The following BTBD9 variants were observed in gnomAD, a reference collection of about 807,000 sequenced individuals.
BTBD9 encodes BTB/POZ domain-containing protein 9.
In BTBD9, 49 loss-of-function variants were observed where a neutral mutation model predicts 64.3. That is an observed-to-expected ratio of 0.76 (90% CI 0.61 to 0.97). The LOEUF (loss-of-function observed/expected upper bound fraction) is 0.97. BTBD9 is among the 50% of genes least tolerant of loss of function. The pLI is 0.00. For synonymous variants in BTBD9, 260 were observed against 274.7 expected (o/e 0.95, Z 0.53); for missense variants, 598 against 762.1 (o/e 0.78, Z 2.53).
At chr6:38,449,589 A>C (rs1203081349) in intron 6 of BTBD9, among the ~76,000 whole-genome samples, 1 of 151,994 alleles carries the variant, frequency 6.6e-6, no homozygotes, top group Non-Finnish European at 1.5e-5. Context: ...ATGAAATTAG[A>C]CCCTTATTTC....
At chr6:38,416,437 C>T (rs1767669573) in intron 6 of BTBD9, among the ~76,000 whole-genome samples, 1 of 151,248 alleles carries the variant, frequency 6.6e-6, no homozygotes. Flanking sequence ...CGGGTTCACG[C>T]CATTCTCCTG....
At chr6:38,575,552 A>T (rs1369887509) in intron 6 of BTBD9, among the ~76,000 whole-genome samples, 5 of 152,236 alleles carry the variant, frequency 3.3e-5, no homozygotes, top group South Asian at 2.1e-4. Flanking sequence ...TTAGGTAGAC[A>T]ATGAATAATT....
intron 9 of BTBD9, among the ~76,000 whole-genome samples, chr6:38,192,927 G>A (rs1409361538): frequency 2.4e-5 from 3 of 123,518 alleles, no homozygotes; most frequent in Non-Finnish European, 5.0e-5. Context: ...AGGGGGGAGG[G>A]ATGGCACTGG....
chr6:38,456,145 G>A (rs1310514397), intron 6 of BTBD9, among the ~76,000 whole-genome samples: 2 of 151,198 alleles, frequency 1.3e-5, no homozygotes, highest in Non-Finnish European at 2.9e-5. Flanking sequence ...GTGCCACCAC[G>A]CCCTGCTAAT....
intron 8 of BTBD9, among the ~76,000 whole-genome samples, chr6:38,262,335 G>A (rs1018255194): frequency 2.0e-5 from 3 of 152,180 alleles, no homozygotes; most frequent in African/African-American, 7.2e-5. Context: ...AGATCAGGTC[G>A]GTGTTTAGCT....
chr6:38,558,951 T>C (rs1037543583), intron 6 of BTBD9, among the ~76,000 whole-genome samples: 5 of 152,204 alleles, frequency 3.3e-5, no homozygotes, highest in Admixed American at 6.5e-5. Flanking sequence ...TTCAGTAGAA[T>C]GGGTAGAATG....
intron 6 of BTBD9, among the ~76,000 whole-genome samples, chr6:38,366,287 G>C (rs1765180740): frequency 6.6e-6 from 1 of 152,128 alleles, no homozygotes; most frequent in Non-Finnish European, 1.5e-5. Context: ...TTCCATCATA[G>C]CCTAAGTGTC....
rs551938624 is a variant in BTBD9 at position 38,169,450 on chromosome 6, G to C, written c.*5535C>G. The C allele has an allele frequency of 2.0e-5, 3 of 149,038 alleles. No homozygotes were observed. Among genetic ancestry groups the C allele is most frequent in the South Asian group, 4.4e-4 (2 of 4,596 alleles). 9.2% of individuals were successfully genotyped at this position (149,038 alleles called of 1,614,324 possible). ...GCCTTCCTGGGACATAAACCCCTGG[G>C]GCTCATGTGGTGGGGAGCAATTTGG... On this transcript the variant is annotated 3_prime_UTR_variant, in exon 11 of 11. Coordinates refer to ENST00000481247, the MANE Select transcript of BTBD9 (RefSeq NM_001099272.2).
intron 8 of BTBD9, among the ~76,000 whole-genome samples, chr6:38,284,979 A>G (rs1212574160): frequency 3.0e-5 from 4 of 135,446 alleles, no homozygotes; most frequent in Non-Finnish European, 6.3e-5. Flanking sequence ...CAGAGTCCAG[A>G]GTAGCACAGG....
intron 7 of BTBD9, among the ~76,000 whole-genome samples, chr6:38,295,567 GT>G (rs1161090838): frequency 3.9e-5 from 6 of 151,986 alleles, no homozygotes; most frequent in Non-Finnish European, 8.8e-5. Flanking sequence ...TTTTATGTTT[GT>G]TTCTTTAATC....
intron 9 of BTBD9, among the ~76,000 whole-genome samples, chr6:38,199,226 A>G (rs981218542): frequency 2.0e-5 from 3 of 152,102 alleles, no homozygotes; most frequent in Admixed American, 1.3e-4. Flanking sequence ...AGTTACATGG[A>G]AGTCATATCC....
rs1766931952 is a variant in BTBD9, at chr6:38,174,952, G to A, written c.*33C>T. 6 of 1,608,192 alleles carry A rather than the reference G, an allele frequency of 3.7e-6. No individual in the cohort carries two copies. Among genetic ancestry groups the A allele is most frequent in the East Asian group, 2.2e-5 (1 of 44,744 alleles). On this transcript the variant is annotated 3_prime_UTR_variant, in exon 11 of 11. Transcript: ENST00000481247. The stretch of plus-strand genomic sequence containing the variant: ...GAGACCGTTTCCTGCCGTTGCCCGA[G>A]CCCACCAAGTCACACCAGGCCCGCT...
At chr6:38,454,062 G>C (rs1354108003) in intron 6 of BTBD9, among the ~76,000 whole-genome samples, 1 of 152,180 alleles carries the variant, frequency 6.6e-6, no homozygotes, top group Non-Finnish European at 1.5e-5. Context: ...AGTGATTAAT[G>C]ACTCTGATGT....
intron 9 of BTBD9, among the ~76,000 whole-genome samples, chr6:38,215,928 T>G (rs186838926): frequency 6.6e-6 from 1 of 152,310 alleles, no homozygotes; most frequent in African/African-American, 2.4e-5. Context: ...CCACTGCCAC[T>G]AATCCTTCCA....
chr6:38,634,567 CCTT>C (rs1251822205), intron 1 of BTBD9, among the ~76,000 whole-genome samples: 1 of 151,124 alleles, frequency 6.6e-6, no homozygotes, highest in African/African-American at 2.4e-5. Flanking sequence ...CTGGATTGTT[CCTT>C]TTTTTTAAAA....
rs772657348 is a variant in BTBD9 at position 38,332,975 on chromosome 6, GTGACTGCACATCATCC to G, written c.1264+11993_1264+12008del. Among the ~76,000 whole-genome samples, 173 of 152,196 alleles carry G rather than the reference GTGACTGCACATCATCC, an allele frequency of 1.1e-3. 1 individual carries two copies. Among genetic ancestry groups the G allele is most frequent in the Non-Finnish European group, 8.8e-4 (60 of 68,038 alleles). ...TGCTTACTTCACAGCAACAGAATTT[GTGACTGCACATCATCC>G]TACTGCCTCCCACCATTGTTCTAGA... On this transcript the variant is annotated intron_variant, in intron 7 of 10. Transcript: ENST00000481247.
intron 6 of BTBD9, among the ~76,000 whole-genome samples, chr6:38,417,610 C>CA (rs1167154424): frequency 6.6e-6 from 1 of 151,912 alleles, no homozygotes; most frequent in East Asian, 1.9e-4. Flanking sequence ...CACGTCTCTA[C>CA]AAAAAATACA....
chr6:38,612,750 C>T (rs990909401), intron 1 of BTBD9: 2 of 152,194 alleles, frequency 1.3e-5, no homozygotes, highest in Admixed American at 6.5e-5. Context: ...TCCACACTCT[C>T]CCCACCCCCA....
chr6:38,315,481 A>T (rs1762998926), intron 7 of BTBD9, among the ~76,000 whole-genome samples: 1 of 151,104 alleles, frequency 6.6e-6, no homozygotes, highest in Admixed American at 6.6e-5. Flanking sequence ...TTTTTTTTTT[A>T]AATCCCACAG....
Sources: allele counts gnomAD v4.1 joint callset (sites outside exome capture counted in the v4.1 genomes callset), GRCh38; gene constraint gnomAD v4.1.1; transcripts MANE v1.5; gene names NCBI Gene and HGNC (gene_info 2026-07-23, HGNC 2026-07-21).